The following ADAMTS16 variants were observed in gnomAD, a reference collection of about 807,000 sequenced individuals.
ADAMTS16 encodes ADAM metallopeptidase with thrombospondin type 1 motif 16.
In ADAMTS16, 94 loss-of-function variants were observed where a neutral mutation model predicts 145.8. The observed-to-expected ratio is 0.64, with a 90% CI of 0.55 to 0.77. ADAMTS16 has a LOEUF of 0.77. Ranked by LOEUF, ADAMTS16 falls within the 30% of genes least tolerant of loss-of-function variation. The probability of loss-of-function intolerance (pLI) is 0.00; values close to 1 mark genes in which losing one functional copy is unlikely to be tolerated. For missense variants in ADAMTS16, 1,585 were observed against 1,591.5 expected, an observed-to-expected ratio of 1.00 and a Z score of 0.07; for synonymous variants, 659 against 604.3, an observed-to-expected ratio of 1.09 and a Z score of -1.33.
At chr5:5,258,476 C>T (rs1399582814) in intron 17 of ADAMTS16, among the ~76,000 whole-genome samples, 1 of 152,266 alleles carries the variant, frequency 6.6e-6, no homozygotes, top group East Asian at 1.9e-4. Context: ...AGAAGCACAG[C>T]CTGGCACTCC....
At chr5:5,162,357 G>A (rs56183741) in intron 3 of ADAMTS16, among the ~76,000 whole-genome samples, 18,992 of 152,174 alleles carry the variant, frequency 0.12, 1,249 homozygotes, top group Non-Finnish European at 0.13. Context: ...CCTGCCAAAA[G>A]TTGACATCTA....
chr5:5,285,488 C>A (rs1739072357), intron 18 of ADAMTS16, among the ~76,000 whole-genome samples: 1 of 152,346 alleles, frequency 6.6e-6, no homozygotes, highest in South Asian at 2.1e-4. Flanking sequence ...CGTGCTCCTG[C>A]AAGCCTTGGG....
In ADAMTS16 at chr5:5,187,775, A is replaced by G; in HGVS notation, c.1014A>G (p.Ala338=). 3 of 1,611,922 alleles carry G rather than the reference A, an allele frequency of 1.9e-6. No homozygotes were observed. The highest frequency in any genetic ancestry group is 2.5e-6 in the Non-Finnish European group (3 of 1,178,102). The stretch of plus-strand genomic sequence containing the variant: ...CAATAGGAGGAAACATCAACATTGC[A>G]ATTGTAGGTCTGATTCTTCTAGAAG... The part of the protein sequence containing the change: ...DGTIGGNINI[A]IVGLILLEDE... Residue 338 remains alanine, a synonymous_variant, in exon 6 of 23, where the codon GCA becomes GCG. Coordinates refer to ENST00000274181, the MANE Select transcript of ADAMTS16 (RefSeq NM_139056.4).
rs1204041131 is a variant in ADAMTS16 at position 5,296,329 on chromosome 5, G to A, written c.2790-6939G>A. 2.0e-5 allele frequency among the ~76,000 whole-genome samples: 3 copies of A among 152,234 alleles called. No homozygotes were observed. The East Asian group carries it at 5.8e-4, about 29-fold the overall frequency. On this transcript the variant is annotated intron_variant, in intron 18 of 22. Transcript: ENST00000274181. ...TCAGATGGGCTTTGCTGAGATGCTA[G>A]TGACAGGGAATTAAAGCATCTGTTT...
At chr5:5,302,481 A>C (rs574281536) in intron 18 of ADAMTS16, among the ~76,000 whole-genome samples, 1 of 152,370 alleles carries the variant, frequency 6.6e-6, no homozygotes, top group East Asian at 1.9e-4. Flanking sequence ...GATAGAGGAC[A>C]GAGAAACACA....
intron 18 of ADAMTS16, among the ~76,000 whole-genome samples, chr5:5,293,096 C>T (rs1739396814): frequency 6.6e-6 from 1 of 152,206 alleles, no homozygotes; most frequent in Admixed American, 6.5e-5. Context: ...CCTTGGCAGG[C>T]CATTTCCTGG....
chr5:5,311,522 G>A (rs932143992), intron 21 of ADAMTS16, among the ~76,000 whole-genome samples: 1 of 149,890 alleles, frequency 6.7e-6, no homozygotes, highest in Admixed American at 6.7e-5. Flanking sequence ...TGTGTGAGAC[G>A]GCGTTGCTGT....
chr5:5,276,971 C>T lies in ADAMTS16; in HGVS notation c.2789+14188C>T, dbSNP rs532558767. Among the ~76,000 whole-genome samples, 15 of 152,254 alleles carry T rather than the reference C, an allele frequency of 9.9e-5. No individual in the cohort carries two copies. The South Asian group carries it at 1.2e-3, about 13-fold the overall frequency. ...AAGATACTCACCGAGGCCTCGTTTTCGAAAGCACTGCACTCTGTTAAAGAA... is the reference window on the plus strand; with the variant it reads ...AAGATACTCACCGAGGCCTCGTTTTTGAAAGCACTGCACTCTGTTAAAGAA... On this transcript the variant is annotated intron_variant, in intron 18 of 22. Transcript: ENST00000274181.
chr5:5,176,557 A>T lies in ADAMTS16; in HGVS notation c.502-5487A>T, dbSNP rs568020046. Reference sequence around the variant, plus strand: ...TCTCAGAACAAGGCCAGAAATATGGATGTTCTCAGTGTTGTACCCTTGAGG... The same window carrying T: ...TCTCAGAACAAGGCCAGAAATATGGTTGTTCTCAGTGTTGTACCCTTGAGG... On this transcript the variant is annotated intron_variant, in intron 3 of 22. Coordinates refer to ENST00000274181, the MANE Select transcript of ADAMTS16 (RefSeq NM_139056.4). Among the ~76,000 whole-genome samples, 48 of 152,268 alleles carry T rather than the reference A, an allele frequency of 3.2e-4. 1 individual carries two copies. The South Asian group carries it at 1.0e-2, about 32-fold the overall frequency.
intron 21 of ADAMTS16, 24 bp downstream of exon 21, chr5:5,306,752 G>A: frequency 6.4e-7 from 1 of 1,567,124 alleles, no homozygotes; most frequent in East Asian, 2.3e-5. Context: ...TCGGTTCCTG[G>A]AGAGTGGGCG....
intron 17 of ADAMTS16, among the ~76,000 whole-genome samples, chr5:5,245,089 C>T (rs568240820): frequency 6.6e-6 from 1 of 152,358 alleles, no homozygotes; most frequent in African/African-American, 2.4e-5. Flanking sequence ...TTTACTGTCT[C>T]TGCCTTGTAA....
intron 9 of ADAMTS16, among the ~76,000 whole-genome samples, chr5:5,201,248 T>A (rs1306953974): frequency 6.6e-6 from 1 of 152,102 alleles, no homozygotes; most frequent in African/African-American, 2.4e-5. Context: ...TGCCCAGAAG[T>A]GCAAGGGGCA....
chr5:5,198,747 A>G (rs1283288076), intron 8 of ADAMTS16, among the ~76,000 whole-genome samples: 2 of 152,218 alleles, frequency 1.3e-5, no homozygotes, highest in Non-Finnish European at 1.5e-5. Flanking sequence ...TTAAATAGAC[A>G]AATGTGTCTT....
chr5:5,184,150 G>C (rs974294490), intron 4 of ADAMTS16, among the ~76,000 whole-genome samples: 1 of 152,162 alleles, frequency 6.6e-6, no homozygotes, highest in African/African-American at 2.4e-5. Flanking sequence ...TGCATCCTCA[G>C]GGCCCTGTGT....
At position 5,140,340 on chromosome 5, in the gene ADAMTS16, C is replaced by A; in HGVS notation, c.-128C>A. The A allele has an allele frequency of 1.0e-6, 1 of 973,034 alleles. No individual in the cohort carries two copies. Among genetic ancestry groups the A allele is most frequent in the Non-Finnish European group, 1.4e-6 (1 of 710,788 alleles). The allele number at this position is 973,034 out of a possible 1,614,324, so 60.3% of individuals were successfully genotyped here. ...GCCGCACGGAGCTTCAGTAATAACC[C>A]CGGCGCGGCGGCGGAGTCGCTGTGG... On this transcript the variant is annotated 5_prime_UTR_variant, in exon 1 of 23. Transcript: ENST00000274181.
At position 5,263,383 on chromosome 5, in the gene ADAMTS16, G is replaced by A. The variant is rs778434390; in HGVS notation, c.2789+600G>A. 8.5e-5 allele frequency among the ~76,000 whole-genome samples: 13 copies of A among 152,236 alleles called. No individual in the cohort carries two copies. The East Asian group carries it at 1.2e-3, about 14-fold the overall frequency. On this transcript the variant is annotated intron_variant, in intron 18 of 22. Transcript: ENST00000274181. ...CTGCTGCACTGTCAGGAGCCATCAC[G>A]TCTGGGCAAGGCCTTCATCCCTCTG... is the stretch of plus-strand genomic sequence containing the variant.
chr5:5,313,779 C>G (rs1414180255), intron 21 of ADAMTS16, among the ~76,000 whole-genome samples: 1 of 152,374 alleles, frequency 6.6e-6, no homozygotes, highest in East Asian at 1.9e-4. Flanking sequence ...CATGTGCCTG[C>G]GTGTGTACGC....
chr5:5,281,368 C>A (rs1738899879), intron 18 of ADAMTS16, among the ~76,000 whole-genome samples: 1 of 152,012 alleles, frequency 6.6e-6, no homozygotes, highest in Non-Finnish European at 1.5e-5. Flanking sequence ...TTCCTTATAT[C>A]AAAATAAATC....
At chr5:5,187,073 T>A (rs2126569728) in intron 5 of ADAMTS16, among the ~76,000 whole-genome samples, 1 of 152,152 alleles carries the variant, frequency 6.6e-6, no homozygotes, top group Middle Eastern at 3.4e-3. Context: ...CTGCACGGGG[T>A]CAAAGCAAGC....
Sources: gnomAD v4.1 joint callset for allele counts (sites outside exome capture counted in the v4.1 genomes callset) on GRCh38, gnomAD v4.1.1 for gene constraint, MANE v1.5 for transcripts, NCBI Gene and HGNC (gene_info 2026-07-23, HGNC 2026-07-21) for gene names.